CLNS1A: variants seen among roughly 807,000 people sequenced by gnomAD.
CLNS1A encodes the protein methylosome subunit pICln.
In CLNS1A, 16 loss-of-function variants were observed where a neutral mutation model predicts 29.4. The ratio of observed to expected loss-of-function variants is 0.54; its 90% CI spans 0.37 to 0.83. The LOEUF (loss-of-function observed/expected upper bound fraction) is 0.83. Ranked by LOEUF, CLNS1A falls within the 40% of genes least tolerant of loss-of-function variation. CLNS1A has a pLI of 0.00. For synonymous variants in CLNS1A, 96 were observed against 104.8 expected, an observed-to-expected ratio of 0.92 and a Z score of 0.51; for missense variants, 235 against 287.4, an observed-to-expected ratio of 0.82 and a Z score of 1.32.
intron 1 of CLNS1A, among the ~76,000 whole-genome samples, chr11:77,636,669 C>T (rs1959129085): frequency 6.6e-6 from 1 of 152,020 alleles, no homozygotes; most frequent in Admixed American, 6.6e-5. Flanking sequence ...GGTTACCAGT[C>T]GACAGTAACA....
At chr11:77,632,932 C>T (rs1476465410) in intron 1 of CLNS1A, among the ~76,000 whole-genome samples, 1 of 151,588 alleles carries the variant, frequency 6.6e-6, no homozygotes, top group Non-Finnish European at 1.5e-5. Context: ...ATTAAAAATA[C>T]GAAAATTAGC....
At chr11:77,636,928 A>G (rs2135782107) in intron 1 of CLNS1A, among the ~76,000 whole-genome samples, 1 of 152,276 alleles carries the variant, frequency 6.6e-6, no homozygotes, top group Middle Eastern at 3.4e-3. Context: ...TCAAAATACC[A>G]AAGTGCTCCA....
At chr11:77,624,414 T>C (rs1251812917) in intron 4 of CLNS1A, among the ~76,000 whole-genome samples, 1 of 152,198 alleles carries the variant, frequency 6.6e-6, no homozygotes, top group Non-Finnish European at 1.5e-5. Flanking sequence ...TCCTCCCATA[T>C]GCTCTACTTA....
intron 2 of CLNS1A, among the ~76,000 whole-genome samples, chr11:77,626,805 C>T (rs1359917388): frequency 6.6e-6 from 1 of 151,342 alleles, no homozygotes; most frequent in Non-Finnish European, 1.5e-5. Flanking sequence ...CATTCTCCTG[C>T]CTCAGCCTCC....
At chr11:77,618,587 G>A (rs1428611758) in intron 6 of CLNS1A, 4 of 152,236 alleles carry the variant, frequency 2.6e-5, no homozygotes, top group Non-Finnish European at 5.9e-5. Context: ...AGAAAGCACA[G>A]GTCCAGTATC....
rs981572302 is a variant in CLNS1A, at chr11:77,619,613, T to G, written c.*15A>C. On this transcript the variant is annotated 3_prime_UTR_variant, in exon 6 of 7. Coordinates refer to ENST00000525428, the MANE Select transcript of CLNS1A (RefSeq NM_001293.3). ...AGAAAATGAACTACTCACCTTAAAC[T>G]TGCATAAATCATTTTCAGTGATCAA... 6 of 1,601,042 alleles carry G rather than the reference T, an allele frequency of 3.7e-6. No individual in the cohort carries two copies. The highest frequency in any genetic ancestry group is 5.1e-6 in the Non-Finnish European group (6 of 1,168,086).
chr11:77,622,767 G>C, intron 4 of CLNS1A, 94 bp from the exon 5 acceptor site: 1 of 971,716 alleles, frequency 1.0e-6, no homozygotes, highest in Non-Finnish European at 1.5e-6. Context: ...GGCCAACATG[G>C]TGAAACCCTA....
rs1335936363 is a variant in CLNS1A, at chr11:77,637,697, A to G, written c.18T>C (p.Ser6=). The G allele has an allele frequency of 6.4e-7, 1 of 1,558,914 alleles. No homozygotes were observed. The highest frequency in any genetic ancestry group is 8.7e-7 in the Non-Finnish European group (1 of 1,151,464). ...CCTCCGCTGGCCCAGGCGGCGGGAA[A>G]CTTTTGAGGAAGCTCATAGCAGCAG... The part of the protein sequence containing the change: MSFLK[S]FPPPGPAEGL... Residue 6 remains serine, a synonymous_variant, in exon 1 of 7, where the codon AGT becomes AGC. Transcript: ENST00000525428.
At chr11:77,631,324 C>CTT (rs768574905) in intron 1 of CLNS1A, among the ~76,000 whole-genome samples, 17 of 141,146 alleles carry the variant, frequency 1.2e-4, no homozygotes, top group African/African-American at 1.6e-4. Flanking sequence ...TAATTGTATA[C>CTT]TTTTTTTTTT....
intron 1 of CLNS1A, among the ~76,000 whole-genome samples, chr11:77,635,391 A>G (rs7117344): frequency 0.44 from 65,231 of 148,208 alleles, 15,142 homozygotes; most frequent in African/African-American, 0.59. Context: ...TCACTCTGTC[A>G]CCCAGGCTGG....
At chr11:77,626,077 T>C (rs571531521) in intron 2 of CLNS1A, among the ~76,000 whole-genome samples, 76 of 152,150 alleles carry the variant, frequency 5.0e-4, no homozygotes, top group African/African-American at 1.7e-3. Flanking sequence ...TTTAAGGTTA[T>C]TTTTAAGGTA....
At position 77,625,757 on chromosome 11, in the gene CLNS1A, A is replaced by G. The variant is rs1228556630; in HGVS notation, c.324T>C (p.Pro108=). 9 of 1,612,198 alleles carry G rather than the reference A, an allele frequency of 5.6e-6. No homozygotes were observed. The highest frequency in any genetic ancestry group is 6.8e-6 in the Non-Finnish European group (8 of 1,178,670). ...EEEDSDDDVE[P]ITEFRFVPSD... ...TAGGCACAAATCTAAATTCAGTAATAGGTTCAACATCATCATCACTGTCTT... is the reference window on the plus strand; with the variant it reads ...TAGGCACAAATCTAAATTCAGTAATGGGTTCAACATCATCATCACTGTCTT... The change falls in exon 3 of 7, where the codon CCT becomes CCC. Residue 108 remains proline (P), a synonymous_variant. Transcript: ENST00000525428.
chr11:77,614,769 A>G lies in CLNS1A; in HGVS notation c.*1949T>C, dbSNP rs1000975035. On this transcript the variant is annotated 3_prime_UTR_variant, in exon 7 of 7. Coordinates refer to ENST00000525428, the MANE Select transcript of CLNS1A (RefSeq NM_001293.3). ...GGAGGGGAAATGTCTATGTACCTTT[A>G]AAGTGTCTCTACATCAGGAACACAC... The G allele has an allele frequency of 3.9e-5, 6 of 152,242 alleles. No individual in the cohort carries two copies. Among genetic ancestry groups the G allele is most frequent in the African/African-American group, 1.2e-4 (5 of 41,472 alleles). 9.4% of individuals were successfully genotyped at this position (152,242 alleles called of 1,614,324 possible).
intron 1 of CLNS1A, among the ~76,000 whole-genome samples, chr11:77,635,625 A>G (rs1460361798): frequency 6.6e-6 from 1 of 152,172 alleles, no homozygotes; most frequent in Non-Finnish European, 1.5e-5. Context: ...TGCTGGTATT[A>G]CAGGCGTGAG....
At chr11:77,623,633 G>A (rs1376167119) in intron 4 of CLNS1A, among the ~76,000 whole-genome samples, 1 of 151,576 alleles carries the variant, frequency 6.6e-6, no homozygotes, top group Non-Finnish European at 1.5e-5. Context: ...ATACAAAAAG[G>A]ATGAAAAATT....
chr11:77,631,383 G>A lies in CLNS1A; in HGVS notation c.126-1484C>T, dbSNP rs1010536335. ...GTCGCCCAGGCTGGAGTGCAGTGGCGGATCTCGGCTCGCTGCAAGCTCCGC... is the reference window on the plus strand; with the variant it reads ...GTCGCCCAGGCTGGAGTGCAGTGGCAGATCTCGGCTCGCTGCAAGCTCCGC... On this transcript the variant is annotated intron_variant, in intron 1 of 6. Coordinates refer to ENST00000525428, the MANE Select transcript of CLNS1A (RefSeq NM_001293.3). Among the ~76,000 whole-genome samples the A allele has an allele frequency of 6.7e-5, 10 of 149,292 alleles. No individual in the cohort carries two copies. The South Asian group carries it at 1.1e-3, about 16-fold the overall frequency.
chr11:77,625,855 A>G, intron 2 of CLNS1A, 37 bp from the exon 3 acceptor site: 1 of 1,442,780 alleles, frequency 6.9e-7, no homozygotes, highest in Non-Finnish European at 9.5e-7. Context: ...TCATTATTTG[A>G]CTTTAAAAAA....
intron 6 of CLNS1A, among the ~76,000 whole-genome samples, chr11:77,617,062 T>C (rs1958911487): frequency 6.6e-6 from 1 of 152,204 alleles, no homozygotes; most frequent in South Asian, 2.1e-4. Context: ...GCATGTACAA[T>C]TTTAAATGAT....
intron 1 of CLNS1A, among the ~76,000 whole-genome samples, chr11:77,631,124 G>C (rs957667230): frequency 3.9e-5 from 6 of 152,118 alleles, no homozygotes; most frequent in Non-Finnish European, 8.8e-5. Context: ...CAGGAACAAT[G>C]ACAGTGTGAC....
Sources: allele counts gnomAD v4.1 joint callset (sites outside exome capture counted in the v4.1 genomes callset), GRCh38; gene constraint gnomAD v4.1.1; transcripts MANE v1.5; gene names NCBI Gene and HGNC (gene_info 2026-07-23, HGNC 2026-07-21).